The following EDC3 variants were observed in gnomAD, a reference collection of about 807,000 sequenced individuals.
EDC3 encodes enhancer of mRNA decapping 3, also known as enhancer of mRNA-decapping protein 3.
A neutral mutation model predicts 41.8 loss-of-function variants in EDC3; 20 were observed. That is an observed-to-expected ratio of 0.48 (90% confidence interval 0.34 to 0.70). The LOEUF (loss-of-function observed/expected upper bound fraction) is 0.70. Among genes scored for constraint, EDC3 ranks in the 30% least tolerant of loss-of-function variants. EDC3 has a pLI of 0.01. For synonymous variants in EDC3, 206 were observed against 243.2 expected (o/e 0.85, Z 1.42); for missense variants, 444 against 636.8 (o/e 0.70, Z 3.26).
Position 74,671,746 on chromosome 15 carries a change from G to A in EDC3, c.193C>T (p.Leu65=), listed in dbSNP as rs2141650233. The change falls in exon 3 of 7, where the codon CTG becomes TTG. Residue 65 remains leucine (L), a synonymous_variant. Transcript: ENST00000315127. This position sits in a 1 kb window ranked among gnomAD's most constrained non-coding sequence, Gnocchi z 4.6. ...RAGDITELKI[L]EIPGPGDNQH... ...TTGTCTCCAGGTCCTGGTATCTCCAGAATTTTTAACTCCGTAATGTCACCT... is the reference window on the plus strand; with the variant it reads ...TTGTCTCCAGGTCCTGGTATCTCCAAAATTTTTAACTCCGTAATGTCACCT... The A allele has an allele frequency of 6.2e-7, 1 of 1,614,006 alleles. No homozygotes were observed. Among genetic ancestry groups the A allele is most frequent in the Non-Finnish European group, 8.5e-7 (1 of 1,179,970 alleles).
intron 1 of EDC3, among the ~76,000 whole-genome samples, chr15:74,691,880 G>A (rs982876679): frequency 6.6e-6 from 1 of 151,920 alleles, no homozygotes; most frequent in African/African-American, 2.4e-5. Flanking sequence ...GCAGTGGAGC[G>A]ATCTCGGCTC....
chr15:74,644,427 C>T (rs1041038675), intron 4 of EDC3: 2 of 152,160 alleles, frequency 1.3e-5, no homozygotes, highest in Middle Eastern at 3.1e-3. Flanking sequence ...GCATTCAATA[C>T]ATCTGACTCC....
chr15:74,682,464 A>C (rs1406593926), intron 1 of EDC3, among the ~76,000 whole-genome samples: 4 of 151,734 alleles, frequency 2.6e-5, no homozygotes, highest in African/African-American at 9.7e-5. Flanking sequence ...TAAAAATACA[A>C]AAAATTAGCC....
chr15:74,681,988 G>C (rs1391393270), intron 1 of EDC3, among the ~76,000 whole-genome samples: 1 of 152,112 alleles, frequency 6.6e-6, no homozygotes, highest in Non-Finnish European at 1.5e-5. Flanking sequence ...ATCTGACAAA[G>C]ACAAAGGAGT....
At chr15:74,675,499 T>TA (rs1365726496) in intron 1 of EDC3, among the ~76,000 whole-genome samples, 2 of 150,520 alleles carry the variant, frequency 1.3e-5, no homozygotes, top group Non-Finnish European at 3.0e-5. Context: ...AATAATATAT[T>TA]AAAAAAACAA....
chr15:74,654,835 G>A (rs1027273511), intron 4 of EDC3, among the ~76,000 whole-genome samples: 2 of 151,876 alleles, frequency 1.3e-5, no homozygotes, highest in Admixed American at 6.5e-5. Context: ...AATTAGCTGC[G>A]TCCACAGTTC....
intron 3 of EDC3, among the ~76,000 whole-genome samples, chr15:74,668,725 T>TGAAAGAAAGAAAGAAAGAAAGAAA (rs1180905042): frequency 2.7e-4 from 16 of 58,442 alleles, no homozygotes; most frequent in African/African-American, 1.7e-3. Flanking sequence ...GTCTCAAAAA[T>TGAAAGAAAGAAAGAAAGAAAGAAA]GAATGAAAGA....
In EDC3 at chr15:74,674,922, C is replaced by T. The variant is rs776611789; in HGVS notation, c.164+39G>A. 4 of 1,611,652 alleles carry T rather than the reference C, an allele frequency of 2.5e-6. No homozygotes were observed. The East Asian group carries it at 8.9e-5, about 36-fold the overall frequency. ...AGACCTAGGTTCAAGCTCCACAGACCACCAGGTTGGATTCAGAAGAGTCAG... is the reference window on the plus strand; with the variant it reads ...AGACCTAGGTTCAAGCTCCACAGACTACCAGGTTGGATTCAGAAGAGTCAG... On this transcript the variant is annotated intron_variant, in intron 2 of 6. Transcript: ENST00000315127.
Position 74,635,554 on chromosome 15 carries a change from C to G in EDC3, c.1047G>C (p.Gln349His). Residue 349 changes from glutamine to histidine, a missense_variant, in exon 6 of 7, where the codon CAG becomes CAC. By Grantham distance (24) the Gln-to-His change is conservative. Coordinates refer to ENST00000315127, the MANE Select transcript of EDC3 (RefSeq NM_025083.5). ...CTAGGTGCCTTCCACAGCTGATACCCTGAGCCCCCTTCACATGAGGTCCAC... is the reference window on the plus strand; with the variant it reads ...CTAGGTGCCTTCCACAGCTGATACCGTGAGCCCCCTTCACATGAGGTCCAC... ...LLCGPHVKGAQGISCGRHLAN... is the reference protein window; with the variant it reads ...LLCGPHVKGAHGISCGRHLAN... 1 of 1,614,264 alleles carries G rather than the reference C, an allele frequency of 6.2e-7. No homozygotes were observed. The highest frequency in any genetic ancestry group is 2.2e-5 in the East Asian group (1 of 44,892).
At chr15:74,639,220 T>C (rs1021093335) in intron 5 of EDC3, 6 of 152,172 alleles carry the variant, frequency 3.9e-5, no homozygotes, top group Non-Finnish European at 5.9e-5. Flanking sequence ...GTCCTCATTG[T>C]AGCTAAAAAT....
chr15:74,642,615 G>C (rs2062367653), intron 4 of EDC3: 1 of 152,200 alleles, frequency 6.6e-6, no homozygotes, highest in South Asian at 2.1e-4. Context: ...ACTCGTCTAT[G>C]CATTTCTTCA....
chr15:74,695,165 C>G (rs892813610), intron 1 of EDC3, among the ~76,000 whole-genome samples: 3 of 151,608 alleles, frequency 2.0e-5, no homozygotes, highest in African/African-American at 7.3e-5. Flanking sequence ...AGACTGTTGG[C>G]TTGGTCAGTT....
intron 4 of EDC3, among the ~76,000 whole-genome samples, chr15:74,650,967 C>T (rs191870395): frequency 3.1e-4 from 47 of 152,138 alleles, no homozygotes; most frequent in Admixed American, 5.9e-4. Flanking sequence ...TACTGCACTC[C>T]AGCCTGGGTG....
chr15:74,640,679 G>A (rs1886095484), intron 4 of EDC3, 60 bp from the exon 5 acceptor site: 2 of 1,602,722 alleles, frequency 1.2e-6, no homozygotes, highest in African/African-American at 1.3e-5. Context: ...TCCAAACCGG[G>A]TATACTCTAT....
intron 1 of EDC3, among the ~76,000 whole-genome samples, chr15:74,680,948 TA>T (rs1180741470): frequency 1.3e-5 from 2 of 152,102 alleles, no homozygotes; most frequent in Non-Finnish European, 2.9e-5. Flanking sequence ...TACTGAAAAC[TA>T]TGCAACACTG....
chr15:74,677,572 T>C (rs1241036558), intron 1 of EDC3, among the ~76,000 whole-genome samples: 3 of 152,140 alleles, frequency 2.0e-5, no homozygotes, highest in Non-Finnish European at 2.9e-5. Context: ...GGTTTCACCA[T>C]GTTGCCCAGG....
intron 2 of EDC3, among the ~76,000 whole-genome samples, chr15:74,673,289 T>C (rs2062761027): frequency 6.6e-6 from 1 of 152,096 alleles, no homozygotes; most frequent in Non-Finnish European, 1.5e-5. Context: ...ACATTTCGAA[T>C]CCATACGATT....
chr15:74,635,507 A>G lies in EDC3; in HGVS notation c.1094T>C (p.Ile365Thr). ...CTTGACAAAATTGGGCAGGAAAAGG[A>G]TGACCTGGACATCATGGTTGGCTAG... ...RHLANHDVQV[I>T]LFLPNFVKML... is the part of the protein sequence containing the mutation. Residue 365 changes from isoleucine (I) to threonine (T), a missense_variant, in exon 6 of 7, where the codon ATC (isoleucine) becomes ACC (threonine). This residue lies in a region of EDC3 where 242 missense variants were observed against 363.8 expected (regional missense o/e 0.67). Transcript: ENST00000315127. The G allele has an allele frequency of 6.2e-7, 1 of 1,614,240 alleles. No homozygotes were observed. Among genetic ancestry groups the G allele is most frequent in the Non-Finnish European group, 8.5e-7 (1 of 1,180,042 alleles).
At chr15:74,688,325 T>C (rs1351423070) in intron 1 of EDC3, among the ~76,000 whole-genome samples, 1 of 152,192 alleles carries the variant, frequency 6.6e-6, no homozygotes, top group Non-Finnish European at 1.5e-5. Flanking sequence ...ACCAATCTTG[T>C]CTTTTATTTT....
Sources: gnomAD v4.1 joint callset for allele counts (sites outside exome capture counted in the v4.1 genomes callset) on GRCh38, gnomAD v4.1.1 for gene constraint, gnomAD v4.1.1 regional missense constraint, Gnocchi (gnomAD v3.1) non-coding constraint, MANE v1.5 for transcripts, NCBI Gene and HGNC (gene_info 2026-07-23, HGNC 2026-07-21) for gene names.